Variants in CENPF observed in about 807,000 individuals in gnomAD.
CENPF encodes the protein AH antigen.
In CENPF, 214 loss-of-function variants were observed where a neutral mutation model predicts 307.3. That is an observed-to-expected ratio of 0.70 (90% confidence interval 0.62 to 0.78). The LOEUF (loss-of-function observed/expected upper bound fraction) is 0.78. Ranked by LOEUF, CENPF falls within the 30% of genes least tolerant of loss-of-function variation. The probability of loss-of-function intolerance (pLI) is 0.00; values close to 1 mark genes in which losing one functional copy is unlikely to be tolerated. For missense variants in CENPF, 3,401 were observed against 3,483.9 expected (o/e 0.98, Z 0.60); for synonymous variants, 1,259 against 1,270.6 (o/e 0.99, Z 0.19).
At chr1:214,647,949 A>C (rs757188248) in intron 13 of CENPF, 2 of 496,246 alleles carry the variant, frequency 4.0e-6, no homozygotes, top group Non-Finnish European at 8.1e-6. Context: ...CTCTTTGTGC[A>C]GTCTTCTATT....
chr1:214,632,804 G>A (rs1657846357), intron 10 of CENPF, among the ~76,000 whole-genome samples: 1 of 152,056 alleles, frequency 6.6e-6, no homozygotes, highest in African/African-American at 2.4e-5. Context: ...TCTCTATTCT[G>A]TATATAATTA....
intron 7 of CENPF, among the ~76,000 whole-genome samples, chr1:214,628,262 T>C (rs1005389072): frequency 6.6e-6 from 1 of 152,152 alleles, no homozygotes; most frequent in Non-Finnish European, 1.5e-5. Flanking sequence ...CTTGTAACCT[T>C]CTGTGTTTAG....
intron 11 of CENPF, 25 bp downstream of exon 11, chr1:214,638,026 T>C (rs754201935): frequency 1.6e-5 from 25 of 1,594,032 alleles, no homozygotes; most frequent in Non-Finnish European, 9.4e-6. Flanking sequence ...TATTTTAGAG[T>C]TACCTTTCTA....
chr1:214,616,607 A>C (rs1244975727), intron 3 of CENPF, among the ~76,000 whole-genome samples: 1 of 152,212 alleles, frequency 6.6e-6, no homozygotes, highest in Non-Finnish European at 1.5e-5. Context: ...AGTTAAATTA[A>C]ATATTAATTT....
In CENPF at chr1:214,645,741, A is replaced by C; in HGVS notation, c.6171A>C (p.Gln2057His). The C allele has an allele frequency of 7.4e-6, 12 of 1,614,204 alleles. No homozygotes were observed. Among genetic ancestry groups the C allele is most frequent in the Non-Finnish European group, 1.0e-5 (12 of 1,180,038 alleles). Residue 2057 changes from glutamine (Q) to histidine (H), a missense_variant, in exon 13 of 20, where the codon CAA (glutamine) becomes CAC (histidine). Coordinates refer to ENST00000366955, the MANE Select transcript of CENPF (RefSeq NM_016343.4). The part of the protein sequence containing the change: ...LSLTKCELEN[Q>H]IAQLNKEKEL... ...TGACAAAATGTGAGCTGGAAAACCAAATTGCACAACTGAATAAAGAGAAAG... is the reference window on the plus strand; with the variant it reads ...TGACAAAATGTGAGCTGGAAAACCACATTGCACAACTGAATAAAGAGAAAG...
intron 1 of CENPF, among the ~76,000 whole-genome samples, chr1:214,611,527 A>G (rs1275727011): frequency 6.6e-6 from 1 of 152,008 alleles, no homozygotes; most frequent in African/African-American, 2.4e-5. Context: ...CACCACACCC[A>G]GCTAATCTTT....
intron 11 of CENPF, among the ~76,000 whole-genome samples, chr1:214,639,427 A>C (rs2102556875): frequency 6.6e-6 from 1 of 152,248 alleles, no homozygotes; most frequent in South Asian, 2.1e-4. Flanking sequence ...TTTTCTACTT[A>C]AGTCTAATCC....
chr1:214,661,227 G>C (rs1287388365), intron 19 of CENPF, among the ~76,000 whole-genome samples: 1 of 152,164 alleles, frequency 6.6e-6, no homozygotes, highest in East Asian at 1.9e-4. Flanking sequence ...AAGCAATTTT[G>C]TGCACTTGCA....
chr1:214,648,297 A>G (rs1658367450), intron 13 of CENPF, among the ~76,000 whole-genome samples: 1 of 152,200 alleles, frequency 6.6e-6, no homozygotes, highest in African/African-American at 2.4e-5. Flanking sequence ...TGTTTATTGC[A>G]GATTAGTATG....
At position 214,657,339 on chromosome 1, in the gene CENPF, T is replaced by C. The variant is rs1658666190; in HGVS notation, c.8892T>C (p.Gly2964=). ...AAAGCAAGAAAGCAGTCATGAGTGG[T>C]ATTCACCCTGCAGAAGACACGGAAG... The part of the protein sequence containing the change: ...SKKSKKAVMS[G]IHPAEDTEGT... Residue 2964 remains glycine, a synonymous_variant, in exon 18 of 20, where the codon GGT becomes GGC. Coordinates refer to ENST00000366955, the MANE Select transcript of CENPF (RefSeq NM_016343.4). 6.2e-7 allele frequency: 1 copy of C among 1,613,556 alleles called. No homozygotes were observed. The highest frequency in any genetic ancestry group is 8.5e-7 in the Non-Finnish European group (1 of 1,180,014).
chr1:214,605,584 C>G, intron 1 of CENPF: 1 of 1,130,292 alleles, frequency 8.8e-7, no homozygotes, highest in Non-Finnish European at 1.3e-6. Flanking sequence ...CCTGGGCCGC[C>G]CGGGGGTCCA....
At chr1:214,632,652 C>T (rs756536976) in intron 10 of CENPF, 50 bp downstream of exon 10, 1 of 1,600,606 alleles carries the variant, frequency 6.2e-7, no homozygotes, top group Non-Finnish European at 8.5e-7. Flanking sequence ...GAACCAAGTG[C>T]AAGGGGAAAA....
rs749493685 is a variant in CENPF, at chr1:214,640,715, A to G, written c.2377A>G (p.Met793Val). 8.7e-6 allele frequency: 14 copies of G among 1,614,016 alleles called. No individual in the cohort carries two copies. The highest frequency in any genetic ancestry group is 1.3e-5 in the African/African-American group (1 of 74,942). Residue 793 changes from methionine (M) to valine (V), a missense_variant, in exon 12 of 20, where the codon ATG becomes GTG. Physicochemically the swap from Met to Val is conservative, Grantham distance 21. Coordinates refer to ENST00000366955, the MANE Select transcript of CENPF (RefSeq NM_016343.4). ...SLLAFDQQPA[M>V]HHSFANIIGE... ...TTTGGCTTTTGATCAGCAGCCTGCC[A>G]TGCATCATTCCTTTGCAAATATAAT...
In CENPF at chr1:214,647,318, T is replaced by G; in HGVS notation, c.7748T>G (p.Leu2583Ter). 1 of 1,613,994 alleles carries G rather than the reference T, an allele frequency of 6.2e-7. No individual in the cohort carries two copies. Among genetic ancestry groups the G allele is most frequent in the Non-Finnish European group, 8.5e-7 (1 of 1,179,926 alleles). ...AAAAATGCCTCTTTGCAGGACACAT[T>G]AGAAGTGCTGCAGAGTTCTTACAAG... ...QSKNASLQDT[L>*]EVLQSSYKNL... Residue 2583 changes from leucine (L) to a stop codon, truncating the protein, a stop_gained, in exon 13 of 20, where the codon TTA (leucine) becomes TGA (stop). Coordinates refer to ENST00000366955, the MANE Select transcript of CENPF (RefSeq NM_016343.4). LOFTEE classifies it high-confidence loss of function.
intron 12 of CENPF, among the ~76,000 whole-genome samples, chr1:214,643,933 A>G (rs377408203): frequency 8.5e-5 from 13 of 152,214 alleles, no homozygotes; most frequent in African/African-American, 1.4e-4. Flanking sequence ...TAATAATGCT[A>G]TATAGTGTAT....
rs762907686 is a variant in CENPF, at chr1:214,663,597, G to A, written c.9148G>A (p.Val3050Ile). ...AGAGATGTTTGTGTTGCAGGTCAAA[G>A]TTGCTCAGCGGAGCCCAGTAGATTC... ...AGGSRSQKVK[V>I]AQRSPVDSGT... Residue 3050 changes from valine (V) to isoleucine (I), a missense_variant, in exon 20 of 20, where the codon GTT (valine) becomes ATT (isoleucine). Coordinates refer to ENST00000366955, the MANE Select transcript of CENPF (RefSeq NM_016343.4). 2.5e-6 allele frequency: 4 copies of A among 1,613,976 alleles called. No homozygotes were observed. The Admixed American group carries it at 5.0e-5, about 20-fold the overall frequency.
chr1:214,639,794 G>C, intron 11 of CENPF, 127 bp from the exon 12 acceptor site: 1 of 529,990 alleles, frequency 1.9e-6, no homozygotes. Flanking sequence ...AATAATGCCA[G>C]TTTTTCCAGG....
rs143750895 is a variant in CENPF, at chr1:214,659,495, C to T, written c.9141+467C>T. ...CAATAGATATCTAAGGAAAGGAACTCTGTTTATAGATCTCTCTATTTTGAT... is the reference window on the plus strand; with the variant it reads ...CAATAGATATCTAAGGAAAGGAACTTTGTTTATAGATCTCTCTATTTTGAT... On this transcript the variant is annotated intron_variant, in intron 19 of 19. Transcript: ENST00000366955. The surrounding 1 kb of genome is among the most constrained non-coding windows in gnomAD (Gnocchi z 4.4). Among the ~76,000 whole-genome samples the T allele has an allele frequency of 6.7e-3, 1,004 of 150,900 alleles. 11 individuals carry two copies. Among genetic ancestry groups the T allele is most frequent in the Non-Finnish European group, 0.011 (721 of 67,832 alleles).
intron 3 of CENPF, among the ~76,000 whole-genome samples, chr1:214,616,781 G>GCTTT (rs988156096): frequency 1.3e-5 from 2 of 151,042 alleles, no homozygotes; most frequent in South Asian, 2.1e-4. Context: ...GGAGCTAAGG[G>GCTTT]CTTTCTTTCT....
Sources: gnomAD v4.1 joint callset for allele counts (sites outside exome capture counted in the v4.1 genomes callset) on GRCh38, gnomAD v4.1.1 for gene constraint, Gnocchi (gnomAD v3.1) non-coding constraint, MANE v1.5 for transcripts, NCBI Gene and HGNC (gene_info 2026-07-23, HGNC 2026-07-21) for gene names.